FBXO39: variants seen among roughly 807,000 people sequenced by gnomAD.
The protein encoded by FBXO39 is F-box protein 39, also known as F-box only protein 39.
FBXO39 carries 22 observed loss-of-function variants against 36.6 expected under a neutral mutation model. That is an observed-to-expected ratio of 0.60 (90% confidence interval 0.43 to 0.86). FBXO39 has a LOEUF of 0.86. Among genes scored for constraint, FBXO39 ranks in the 40% least tolerant of loss-of-function variants. The pLI, the probability that FBXO39 is intolerant of heterozygous loss-of-function variation, is 0.00. For synonymous variants in FBXO39, 206 were observed against 205.8 expected (o/e 1.00, Z -0.01); for missense variants, 536 against 543.9 (o/e 0.99, Z 0.14).
rs1487372888 is a variant in FBXO39, at chr17:6,779,996, G to T, written c.128G>T (p.Cys43Phe). The T allele has an allele frequency of 1.2e-6, 2 of 1,614,220 alleles. No individual in the cohort carries two copies. Among genetic ancestry groups the T allele is most frequent in the Admixed American group, 3.3e-5 (2 of 60,024 alleles). The change falls in exon 2 of 4, where the codon TGC becomes TTC. Residue 43 changes from cysteine (C) to phenylalanine (F), a missense_variant. Physicochemically the swap from Cys to Phe is radical, Grantham distance 205 (BLOSUM62 -2). Coordinates refer to ENST00000321535, the MANE Select transcript of FBXO39 (RefSeq NM_153230.3). ...GACAGGTCCAGGGCTGCTCTTGTCT[G>T]CAGAAAGTGGAACCAGATGATGTAT... is the stretch of plus-strand genomic sequence containing the variant. ...DRDRSRAALV[C>F]RKWNQMMYSA...
chr17:6,780,240 C>G lies in FBXO39; in HGVS notation c.372C>G (p.Asn124Lys). ...TGTCTTGTCTGAGTAAGAGCAACAACCGTCTGAAATCTCTTTCCATCCAAT... is the reference window on the plus strand; with the variant it reads ...TGTCTTGTCTGAGTAAGAGCAACAAGCGTCTGAAATCTCTTTCCATCCAAT... ...GLLSCLSKSN[N>K]RLKSLSIQYL... The change falls in exon 2 of 4, where the codon AAC becomes AAG. Residue 124 changes from asparagine to lysine, a missense_variant. Physicochemically the swap from Asn to Lys is moderately conservative, Grantham distance 94. Transcript: ENST00000321535. 1 of 1,614,114 alleles carries G rather than the reference C, an allele frequency of 6.2e-7. No individual in the cohort carries two copies. Among genetic ancestry groups the G allele is most frequent in the East Asian group, 2.2e-5 (1 of 44,890 alleles).
chr17:6,786,050 C>T (rs1377628878), intron 2 of FBXO39, among the ~76,000 whole-genome samples: 2 of 152,360 alleles, frequency 1.3e-5, no homozygotes, highest in East Asian at 1.9e-4. Context: ...GATGTCTGCA[C>T]TCTCATGTTT....
chr17:6,779,976 G>T lies in FBXO39; in HGVS notation c.108G>T (p.Arg36Ser). The change falls in exon 2 of 4, where the codon AGG (arginine) becomes AGT (serine). Residue 36 changes from arginine to serine, a missense_variant. Coordinates refer to ENST00000321535, the MANE Select transcript of FBXO39 (RefSeq NM_153230.3). ...TCTGGTGGCTAGGAGACAGGGACAG[G>T]TCCAGGGCTGCTCTTGTCTGCAGAA... ...RVFWWLGDRD[R>S]SRAALVCRKW... 1 of 1,614,216 alleles carries T rather than the reference G, an allele frequency of 6.2e-7. No individual in the cohort carries two copies. Among genetic ancestry groups the T allele is most frequent in the Non-Finnish European group, 8.5e-7 (1 of 1,180,034 alleles).
intron 1 of FBXO39, among the ~76,000 whole-genome samples, chr17:6,776,631 A>G (rs751999166): frequency 4.6e-5 from 7 of 152,136 alleles, no homozygotes; most frequent in Non-Finnish European, 7.4e-5. Flanking sequence ...ATGTGTTTGT[A>G]TTCCTATCTT....
chr17:6,780,026 C>G lies in FBXO39; in HGVS notation c.158C>G (p.Ala53Gly). The G allele has an allele frequency of 6.2e-7, 1 of 1,614,238 alleles. No individual in the cohort carries two copies. Among genetic ancestry groups the G allele is most frequent in the Non-Finnish European group, 8.5e-7 (1 of 1,180,042 alleles). ...AAGTGGAACCAGATGATGTATTCTGCTGAGCTCTGGCGGTACAGAACCATC... is the reference window on the plus strand; with the variant it reads ...AAGTGGAACCAGATGATGTATTCTGGTGAGCTCTGGCGGTACAGAACCATC... The part of the protein sequence containing the change: ...CRKWNQMMYS[A>G]ELWRYRTITF... Residue 53 changes from alanine (A) to glycine (G), a missense_variant, in exon 2 of 4, where the codon GCT (alanine) becomes GGT (glycine). Coordinates refer to ENST00000321535, the MANE Select transcript of FBXO39 (RefSeq NM_153230.3).
chr17:6,777,975 A>C (rs1156547468), intron 1 of FBXO39, among the ~76,000 whole-genome samples: 2 of 152,140 alleles, frequency 1.3e-5, no homozygotes. Flanking sequence ...TGGCGTAGTG[A>C]GGACAAAGCC....
chr17:6,784,935 G>GTATATATATATATATA (rs1290792686), intron 2 of FBXO39, among the ~76,000 whole-genome samples: 2 of 118,880 alleles, frequency 1.7e-5, no homozygotes, highest in African/African-American at 8.2e-5. Context: ...ATATATGTGT[G>GTATATATATATATATA]TGTGTGTGTG....
In FBXO39 at chr17:6,787,353, G is replaced by C; in HGVS notation, c.1254G>C (p.Gln418His). The C allele has an allele frequency of 3.7e-6, 6 of 1,614,024 alleles. No homozygotes were observed. The highest frequency in any genetic ancestry group is 5.1e-6 in the Non-Finnish European group (6 of 1,179,984). The change falls in exon 4 of 4, where the codon CAG (glutamine) becomes CAC (histidine). Residue 418 changes from glutamine (Q) to histidine (H), a missense_variant. Transcript: ENST00000321535. ...YETNEEDKTLQEIYRKYRKLI... is the reference protein window; with the variant it reads ...YETNEEDKTLHEIYRKYRKLI... ...CGAATGAAGAGGACAAGACCCTGCA[G>C]GAAATTTACAGGAAGTACAGAAAGC... is the stretch of plus-strand genomic sequence containing the variant.
chr17:6,787,552 T>G lies in FBXO39; in HGVS notation c.*124T>G, dbSNP rs1038160883. The stretch of plus-strand genomic sequence containing the variant: ...CTCTCCCCTCCACTTTTTTTTTTTG[T>G]CAGCTCCATGACAACATGACCAGCT... On this transcript the variant is annotated 3_prime_UTR_variant, in exon 4 of 4. Coordinates refer to ENST00000321535, the MANE Select transcript of FBXO39 (RefSeq NM_153230.3). 3 of 1,065,124 alleles carry G rather than the reference T, an allele frequency of 2.8e-6. No individual in the cohort carries two copies. Among genetic ancestry groups the G allele is most frequent in the Admixed American group, 2.3e-5 (1 of 43,630 alleles). The allele number at this position is 1,065,124 out of a possible 1,614,324, so 66.0% of individuals were successfully genotyped here.
At chr17:6,784,284 A>G (rs1244269163) in intron 2 of FBXO39, among the ~76,000 whole-genome samples, 5 of 152,164 alleles carry the variant, frequency 3.3e-5, no homozygotes, top group Admixed American at 1.3e-4. Flanking sequence ...AAAGCCATAT[A>G]TGACAGACCC....
At chr17:6,777,861 C>G (rs910633225) in intron 1 of FBXO39, among the ~76,000 whole-genome samples, 2 of 152,140 alleles carry the variant, frequency 1.3e-5, no homozygotes, top group South Asian at 2.1e-4. Flanking sequence ...ATGGGCGGGA[C>G]GGGCTGCTGT....
chr17:6,781,232 G>A (rs559543010), intron 2 of FBXO39, among the ~76,000 whole-genome samples: 48 of 152,280 alleles, frequency 3.2e-4, no homozygotes, highest in Non-Finnish European at 6.2e-4. Context: ...ACTTTTCCAC[G>A]AGGTCACAGC....
At chr17:6,778,901 C>T (rs993867646) in intron 1 of FBXO39, among the ~76,000 whole-genome samples, 1 of 152,122 alleles carries the variant, frequency 6.6e-6, no homozygotes, top group South Asian at 2.1e-4. Context: ...AAACACATCC[C>T]CATTCCCACC....
intron 2 of FBXO39, among the ~76,000 whole-genome samples, chr17:6,781,374 A>G (rs1232589306): frequency 1.4e-4 from 21 of 152,004 alleles, no homozygotes; most frequent in Non-Finnish European, 2.5e-4. Context: ...GTCAAATTTG[A>G]TTTACACAAC....
In FBXO39 at chr17:6,780,637, A is replaced by C. The variant is rs750415033; in HGVS notation, c.769A>C (p.Lys257Gln). 1.4e-5 allele frequency: 22 copies of C among 1,613,970 alleles called. No individual in the cohort carries two copies. The highest frequency in any genetic ancestry group is 1.9e-5 in the Non-Finnish European group (22 of 1,180,030). ...NASTLRTINI[K>Q]CHVHDPHGQV... is the part of the protein sequence containing the mutation. Reference sequence around the variant, plus strand: ...CAGCACCCTCCGGACCATCAACATCAAATGCCACGTTCATGACCCCCACGG... The same window carrying C: ...CAGCACCCTCCGGACCATCAACATCCAATGCCACGTTCATGACCCCCACGG... Residue 257 changes from lysine (K) to glutamine (Q), a missense_variant, in exon 2 of 4, where the codon AAA (lysine) becomes CAA (glutamine). Transcript: ENST00000321535.
At chr17:6,785,982 T>C (rs1337357343) in intron 2 of FBXO39, among the ~76,000 whole-genome samples, 1 of 152,166 alleles carries the variant, frequency 6.6e-6, no homozygotes, top group East Asian at 1.9e-4. Flanking sequence ...TTACATATGA[T>C]CCAGCAATCC....
chr17:6,780,586 C>A lies in FBXO39; in HGVS notation c.718C>A (p.Leu240Met), dbSNP rs1306885025. 1 of 1,613,962 alleles carries A rather than the reference C, an allele frequency of 6.2e-7. No homozygotes were observed. The highest frequency in any genetic ancestry group is 8.5e-7 in the Non-Finnish European group (1 of 1,180,038). ...CAACTACAACTGTATCTCCGACGAG[C>A]TGCTTGAGAACTTGTGTGAGAATGC... The part of the protein sequence containing the change: ...NLNYNCISDE[L>M]LENLCENAST... The change falls in exon 2 of 4, where the codon CTG becomes ATG. Residue 240 changes from leucine to methionine, a missense_variant. Physicochemically the swap from Leu to Met is conservative, Grantham distance 15. Transcript: ENST00000321535.
rs769327020 is a variant in FBXO39 at position 6,787,435 on chromosome 17, C to T, written c.*7C>T. The stretch of plus-strand genomic sequence containing the variant: ...CGTTTACTCTGTGATGTAATGAGCA[C>T]TCTACAGATGAAGAAAGCTGGGAGC... On this transcript the variant is annotated 3_prime_UTR_variant, in exon 4 of 4. Transcript: ENST00000321535. 3.7e-6 allele frequency: 6 copies of T among 1,613,596 alleles called. No homozygotes were observed. The highest frequency in any genetic ancestry group is 4.2e-6 in the Non-Finnish European group (5 of 1,179,768).
chr17:6,779,449 CT>C (rs1363265120), intron 1 of FBXO39, among the ~76,000 whole-genome samples: 1 of 152,228 alleles, frequency 6.6e-6, no homozygotes, highest in East Asian at 1.9e-4. Context: ...CCTACTCACC[CT>C]TCAAAACCCA....
Sources: allele counts gnomAD v4.1 joint callset (sites outside exome capture counted in the v4.1 genomes callset), GRCh38; gene constraint gnomAD v4.1.1; transcripts MANE v1.5; gene names NCBI Gene and HGNC (gene_info 2026-07-23, HGNC 2026-07-21).